CDH18: variants seen among roughly 807,000 people sequenced by gnomAD.
CDH18 encodes cadherin 18, also known as cadherin-18.
In CDH18, 31 loss-of-function variants were observed where a neutral mutation model predicts 67.9. The ratio of observed to expected loss-of-function variants is 0.46; its 90% CI spans 0.34 to 0.62. CDH18 has a LOEUF of 0.62. Ranked by LOEUF, CDH18 falls within the 20% of genes least tolerant of loss-of-function variation. CDH18 has a pLI of 0.01. For missense variants in CDH18, 890 were observed against 975.5 expected (o/e 0.91, Z 1.17); for synonymous variants, 362 against 347.2 (o/e 1.04, Z -0.48).
intron 1 of CDH18, among the ~76,000 whole-genome samples, chr5:20,412,967 C>T (rs4866187): frequency 0.47 from 70,958 of 151,988 alleles, 18,025 homozygotes; most frequent in Middle Eastern, 0.62. Context: ...CCCCAATCCC[C>T]GCACCCCACG....
Position 20,371,036 on chromosome 5 carries a change from C to CA in CDH18, c.-579-115532dup, listed in dbSNP as rs879271018. 3.5e-3 allele frequency among the ~76,000 whole-genome samples: 457 copies of CA among 129,156 alleles called. 3 individuals are homozygous for CA. The highest frequency in any genetic ancestry group is 0.011 in the African/African-American group (372 of 34,686). The allele number at this position is 129,156 out of a possible 152,430, so 84.7% of individuals were successfully genotyped here. On this transcript the variant is annotated intron_variant, in intron 1 of 14. Coordinates refer to the CDH18 transcript ENST00000507958. ...TGGGCGACAGGGCGAGACTCTGTCT[C>CA]AAAAAAAAAAAGACTGTGGCATCAG...
chr5:20,114,521 C>A (rs1747732789), intron 2 of CDH18, among the ~76,000 whole-genome samples: 1 of 152,004 alleles, frequency 6.6e-6, no homozygotes, highest in South Asian at 2.1e-4. Flanking sequence ...AATTAAGCAA[C>A]CATTATTTTT....
intron 2 of CDH18, among the ~76,000 whole-genome samples, chr5:19,973,987 T>G (rs1400621188): frequency 6.6e-6 from 1 of 152,142 alleles, no homozygotes; most frequent in Non-Finnish European, 1.5e-5. Flanking sequence ...GAAGGGTATT[T>G]GATGATGCAA....
intron 2 of CDH18, among the ~76,000 whole-genome samples, chr5:20,014,797 T>TA (rs1329496487): frequency 6.6e-6 from 1 of 152,128 alleles, no homozygotes; most frequent in East Asian, 1.9e-4. Flanking sequence ...GGCTGAAGCA[T>TA]ATAAGCATTA....
At chr5:20,313,873 C>T (rs1737222035) in intron 1 of CDH18, among the ~76,000 whole-genome samples, 1 of 151,996 alleles carries the variant, frequency 6.6e-6, no homozygotes, top group African/African-American at 2.4e-5. Context: ...TTCAAATTTC[C>T]TTGGGTAATC....
intron 2 of CDH18, among the ~76,000 whole-genome samples, chr5:20,172,200 A>ATG (rs1554098679): frequency 2.7e-5 from 1 of 36,380 alleles, no homozygotes; most frequent in Non-Finnish European, 5.5e-5. Context: ...GTATATATAT[A>ATG]TATATATATA....
intron 2 of CDH18, among the ~76,000 whole-genome samples, chr5:20,030,668 G>A (rs970265253): frequency 2.8e-4 from 42 of 152,110 alleles, no homozygotes; most frequent in Admixed American, 2.6e-3. Flanking sequence ...AAAGAATTTA[G>A]ACATACTCAG....
intron 9 of CDH18, among the ~76,000 whole-genome samples, chr5:19,523,735 AACTTGTAT>A (rs1747301235): frequency 6.6e-6 from 1 of 152,142 alleles, no homozygotes; most frequent in African/African-American, 2.4e-5. Context: ...CATAAGGAAT[AACTTGTAT>A]ATTCTCATGC....
chr5:19,888,806 GA>G (rs1204636985), intron 2 of CDH18, among the ~76,000 whole-genome samples: 1 of 152,104 alleles, frequency 6.6e-6, no homozygotes, highest in Non-Finnish European at 1.5e-5. Context: ...CCTGGTAACA[GA>G]CATTTTTTTA....
chr5:19,539,504 A>G (rs1011540838), intron 9 of CDH18, among the ~76,000 whole-genome samples: 1 of 152,186 alleles, frequency 6.6e-6, no homozygotes, highest in African/African-American at 2.4e-5. Flanking sequence ...GTAGTGAAAA[A>G]AAATTAATCT....
intron 2 of CDH18, among the ~76,000 whole-genome samples, chr5:20,032,201 T>A (rs1739460676): frequency 6.6e-6 from 1 of 151,498 alleles, no homozygotes; most frequent in Non-Finnish European, 1.5e-5. Context: ...TATGTATGCA[T>A]GTGTATGTGT....
chr5:20,344,016 A>G (rs1033840879), intron 1 of CDH18, among the ~76,000 whole-genome samples: 1 of 152,176 alleles, frequency 6.6e-6, no homozygotes. Flanking sequence ...GAAGGGCTCC[A>G]TAAAAGAAAT....
At chr5:20,471,243 G>T (rs537405360) in intron 1 of CDH18, among the ~76,000 whole-genome samples, 1 of 152,020 alleles carries the variant, frequency 6.6e-6, no homozygotes, top group African/African-American at 2.4e-5. Flanking sequence ...CATAAATACT[G>T]CTTTCTCTGC....
rs1581122469 is a variant in CDH18, at chr5:20,504,957, C to T, written c.-580+70505G>A. Among the ~76,000 whole-genome samples the T allele has an allele frequency of 2.0e-5, 3 of 151,672 alleles. No homozygotes were observed. The South Asian group carries it at 6.2e-4, about 32-fold the overall frequency. On this transcript the variant is annotated intron_variant, in intron 1 of 14. Transcript: ENST00000507958. ...TAATTTTTTGTATATTTAGTAGAGA[C>T]GGGGTTTCACTGTGTTAGCCAGGAT... is the stretch of plus-strand genomic sequence containing the variant.
At chr5:19,540,459 G>A (rs374697527) in intron 9 of CDH18, among the ~76,000 whole-genome samples, 1 of 152,128 alleles carries the variant, frequency 6.6e-6, no homozygotes, top group Non-Finnish European at 1.5e-5. Flanking sequence ...CGCCCCAGTG[G>A]AAACTCTGTG....
intron 2 of CDH18, among the ~76,000 whole-genome samples, chr5:20,186,170 T>C (rs1738085493): frequency 6.6e-6 from 1 of 151,980 alleles, no homozygotes; most frequent in Non-Finnish European, 1.5e-5. Flanking sequence ...TCAAAGACCT[T>C]AATATAAGCC....
At chr5:19,691,144 A>T (rs1381736418) in intron 5 of CDH18, among the ~76,000 whole-genome samples, 3 of 148,344 alleles carry the variant, frequency 2.0e-5, no homozygotes, top group Non-Finnish European at 4.5e-5. Flanking sequence ...AATAAATATA[A>T]TACATCACAA....
intron 1 of CDH18, among the ~76,000 whole-genome samples, chr5:20,341,365 G>T (rs1740246104): frequency 1.3e-5 from 2 of 152,046 alleles, no homozygotes; most frequent in Admixed American, 1.3e-4. Flanking sequence ...CATACAGGGT[G>T]CTTCCTGCCC....
At position 20,172,217 on chromosome 5, in the gene CDH18, T is replaced by TAC. The variant is rs1561848591; in HGVS notation, c.-518+83226_-518+83227insGT. Reference sequence around the variant, plus strand: ...ATATATATATATATATATATATATATATATATGTATATATATATATATGTA... The same window carrying TAC: ...ATATATATATATATATATATATATATACATATATGTATATATATATATATGTA... On this transcript the variant is annotated intron_variant, in intron 2 of 14. Coordinates refer to the CDH18 transcript ENST00000507958. 2.4e-4 allele frequency among the ~76,000 whole-genome samples: 19 copies of TAC among 80,078 alleles called. 1 individual carries two copies. Among genetic ancestry groups the TAC allele is most frequent in the African/African-American group, 5.7e-4 (10 of 17,594 alleles). 52.5% of individuals were successfully genotyped at this position (80,078 alleles called of 152,430 possible).
Sources: gnomAD v4.1 joint callset for allele counts (sites outside exome capture counted in the v4.1 genomes callset) on GRCh38, gnomAD v4.1.1 for gene constraint, MANE v1.5 for transcripts, NCBI Gene and HGNC (gene_info 2026-07-23, HGNC 2026-07-21) for gene names.